The following BANK1 variants were observed in gnomAD, a reference collection of about 807,000 sequenced individuals.
BANK1 encodes B cell scaffold protein with ankyrin repeats 1.
In BANK1, 95 loss-of-function variants were observed where a neutral mutation model predicts 94.5. That is an observed-to-expected ratio of 1.00 (90% CI 0.85 to 1.19). The LOEUF (loss-of-function observed/expected upper bound fraction) is 1.19. Among genes scored for constraint, BANK1 ranks in the 50% most tolerant of loss-of-function variants. The probability of loss-of-function intolerance (pLI) is 0.00; values close to 1 mark genes in which losing one functional copy is unlikely to be tolerated. For synonymous variants in BANK1, 334 were observed against 308.4 expected (o/e 1.08, Z -0.87); for missense variants, 987 against 932.2 (o/e 1.06, Z -0.77).
At chr4:101,881,233 A>T (rs1169070593) in intron 5 of BANK1, among the ~76,000 whole-genome samples, 2 of 152,012 alleles carry the variant, frequency 1.3e-5, no homozygotes, top group Non-Finnish European at 2.9e-5. Context: ...TGGAAAAAAA[A>T]ATCTAGTAAT....
chr4:101,825,331 G>A (rs1169190375), intron 1 of BANK1, among the ~76,000 whole-genome samples: 1 of 152,120 alleles, frequency 6.6e-6, no homozygotes, highest in Non-Finnish European at 1.5e-5. Flanking sequence ...ATGAAGTGCA[G>A]TTCAAGGCCA....
chr4:101,801,442 A>C (rs774646857), intron 1 of BANK1, among the ~76,000 whole-genome samples: 2 of 152,188 alleles, frequency 1.3e-5, no homozygotes, highest in Non-Finnish European at 2.9e-5. Context: ...TTTCAGAAAA[A>C]AAATTCCAAT....
At chr4:101,973,481 T>G (rs904690366) in intron 7 of BANK1, among the ~76,000 whole-genome samples, 6 of 152,098 alleles carry the variant, frequency 3.9e-5, no homozygotes, top group Admixed American at 1.3e-4. Context: ...CAGAGCTTTC[T>G]TCCTGAGCCT....
At chr4:101,900,909 CGCATTGTTGTATTTAGAG>C (rs1722262572) in intron 6 of BANK1, among the ~76,000 whole-genome samples, 1 of 152,108 alleles carries the variant, frequency 6.6e-6, no homozygotes, top group South Asian at 2.1e-4. Flanking sequence ...CTGAGTCCTA[CGCATTGTTGTATTTAGAG>C]GCCTGGGAGA....
intron 9 of BANK1, among the ~76,000 whole-genome samples, chr4:102,028,356 G>T (rs559041022): frequency 1.3e-5 from 2 of 152,340 alleles, no homozygotes; most frequent in East Asian, 1.9e-4. Context: ...GTGGTGAATT[G>T]AAAGTTAGTG....
rs200425762 is a variant in BANK1, at chr4:101,808,659, G to GA, written c.70+17720dup. ...ATGCACAAGGAACTCAAATCAGCAA[G>GA]AAAAAAAAAAATCCCATCAAAAAGG... On this transcript the variant is annotated intron_variant, in intron 1 of 16. Transcript: ENST00000322953. Among the ~76,000 whole-genome samples the GA allele has an allele frequency of 3.4e-3, 479 of 141,628 alleles. 1 individual carries two copies. Among genetic ancestry groups the GA allele is most frequent in the Middle Eastern group, 0.011 (3 of 280 alleles). The allele number at this position is 141,628 out of a possible 152,430, so 92.9% of individuals were successfully genotyped here.
chr4:102,011,000 A>C (rs72929951), intron 7 of BANK1, among the ~76,000 whole-genome samples: 8,128 of 152,310 alleles, frequency 0.053, 532 homozygotes, highest in African/African-American at 0.15. Flanking sequence ...CAGTTTCAGA[A>C]GCACTTTCAA....
At chr4:101,848,897 T>C (rs1190139964) in intron 2 of BANK1, among the ~76,000 whole-genome samples, 2 of 152,198 alleles carry the variant, frequency 1.3e-5, no homozygotes, top group African/African-American at 4.8e-5. Flanking sequence ...TCTAGCATCC[T>C]CCCACCTCTC....
intron 16 of BANK1, 56 bp from the exon 17 acceptor site, chr4:102,073,949 A>C: frequency 2.4e-6 from 1 of 414,008 alleles, no homozygotes; most frequent in Non-Finnish European, 4.2e-6. Flanking sequence ...CCAATTAATC[A>C]ATTTAAATTG....
intron 10 of BANK1, among the ~76,000 whole-genome samples, chr4:102,040,741 T>C (rs1219848574): frequency 6.6e-6 from 1 of 152,058 alleles, no homozygotes; most frequent in Admixed American, 6.6e-5. Flanking sequence ...CTTAAATTCA[T>C]ACTCACTTAA....
At chr4:101,912,610 T>A (rs1228856598) in intron 6 of BANK1, among the ~76,000 whole-genome samples, 2 of 148,202 alleles carry the variant, frequency 1.3e-5, no homozygotes, top group Non-Finnish European at 3.0e-5. Context: ...AATTATTAAA[T>A]ATATACATAA....
In BANK1 at chr4:101,946,947, A is replaced by G. The variant is rs376963284; in HGVS notation, c.1206+28758A>G. On this transcript the variant is annotated intron_variant, in intron 7 of 16. Transcript: ENST00000322953. ...TGCATTTTCTTTATTTTCTTTTATG[A>G]TGAACTTAGTAGTTTGGTAGACATT... Among the ~76,000 whole-genome samples, 21 of 151,966 alleles carry G rather than the reference A, an allele frequency of 1.4e-4. No individual in the cohort carries two copies. The East Asian group carries it at 2.7e-3, about 20-fold the overall frequency.
chr4:101,940,500 C>G (rs189994501), intron 7 of BANK1, among the ~76,000 whole-genome samples: 27 of 151,722 alleles, frequency 1.8e-4, no homozygotes, highest in African/African-American at 6.3e-4. Flanking sequence ...TACCTATGTC[C>G]TTTTTCTGTT....
At chr4:101,902,042 G>A (rs1251828075) in intron 6 of BANK1, among the ~76,000 whole-genome samples, 2 of 152,132 alleles carry the variant, frequency 1.3e-5, no homozygotes, top group African/African-American at 2.4e-5. Context: ...TTACAGGTGT[G>A]AGCCACCACG....
At chr4:101,813,782 G>T in intron 1 of BANK1, 1 of 788,422 alleles carries the variant, frequency 1.3e-6, no homozygotes. Flanking sequence ...GGGAGCTTCT[G>T]CGGGTGGTAG....
At chr4:102,063,159 A>C (rs1244177578) in intron 13 of BANK1, 21 bp downstream of exon 13, 1 of 1,594,200 alleles carries the variant, frequency 6.3e-7, no homozygotes. Flanking sequence ...TTCGCCTGCT[A>C]TTCAAAAATA....
At chr4:102,008,139 G>A (rs1004483816) in intron 7 of BANK1, among the ~76,000 whole-genome samples, 1 of 152,146 alleles carries the variant, frequency 6.6e-6, no homozygotes, top group Non-Finnish European at 1.5e-5. Context: ...CCATGTTGTA[G>A]TACAAAGAGA....
rs2850389 is a variant in BANK1, at chr4:102,009,995, C to T, written c.1207-11519C>T. Among the ~76,000 whole-genome samples the T allele has an allele frequency of 8.0e-4, 122 of 152,020 alleles. 1 individual carries two copies. In the East Asian group the frequency reaches 0.021, roughly 27 times the overall value. On this transcript the variant is annotated intron_variant, in intron 7 of 16. Coordinates refer to ENST00000322953, the MANE Select transcript of BANK1 (RefSeq NM_017935.5). ...AAAATTGAAGTCTGTGGCTGGGTGC[C>T]GTGGCTCACGCCTGTAATCCCAGCA...
At chr4:102,031,827 T>G (rs1261064926) in intron 10 of BANK1, among the ~76,000 whole-genome samples, 6 of 152,216 alleles carry the variant, frequency 3.9e-5, no homozygotes, top group Admixed American at 3.9e-4. Context: ...TTAAGCTGCA[T>G]GTATGTATTA....
Sources: allele counts gnomAD v4.1 joint callset (sites outside exome capture counted in the v4.1 genomes callset), GRCh38; gene constraint gnomAD v4.1.1; transcripts MANE v1.5; gene names NCBI Gene and HGNC (gene_info 2026-07-23, HGNC 2026-07-21).